The following ARB2A variants were observed in gnomAD, a reference collection of about 807,000 sequenced individuals.
ARB2A encodes the protein ARB2 cotranscriptional regulator A.
At chr5:94,014,575 T>G in the ARB2A span, among the ~76,000 whole-genome samples, 1 of 151,904 alleles carries the variant, frequency 6.6e-6, no homozygotes, top group East Asian at 1.9e-4. Context: ...CCTAATGAGA[T>G]AGTAATGTAT....
the ARB2A span, among the ~76,000 whole-genome samples, chr5:93,720,323 A>T: frequency 6.6e-6 from 1 of 152,344 alleles, no homozygotes; most frequent in African/African-American, 2.4e-5. Flanking sequence ...TTCTTAAAAC[A>T]ATTCAATCAT....
the ARB2A span, chr5:93,621,160 T>G: frequency 2.4e-5 from 38 of 1,555,524 alleles, no homozygotes; most frequent in Non-Finnish European, 3.2e-5. Flanking sequence ...GGTTACCAGG[T>G]GGCCACGCGG....
the ARB2A span, among the ~76,000 whole-genome samples, chr5:93,981,399 T>C: frequency 6.6e-6 from 1 of 152,164 alleles, no homozygotes; most frequent in East Asian, 1.9e-4. Flanking sequence ...TCATTTCCTC[T>C]GCTTGATGTA....
At chr5:93,784,196 A>C in the ARB2A span, 1 of 510,480 alleles carries the variant, frequency 2.0e-6, no homozygotes, top group East Asian at 3.3e-5. Flanking sequence ...GGGAGCTTTC[A>C]AAAATATTAG....
the ARB2A span, among the ~76,000 whole-genome samples, chr5:94,054,579 C>T: frequency 6.6e-6 from 1 of 152,102 alleles, no homozygotes; most frequent in Admixed American, 6.6e-5. Flanking sequence ...GCCTTCATTA[C>T]CTGGTTAAGG....
chr5:94,053,119 C>A, the ARB2A span: 1 of 1,197,420 alleles, frequency 8.4e-7, no homozygotes, highest in African/African-American at 1.6e-5. Context: ...ATAGATAACC[C>A]ACTTACTTTC....
chr5:93,976,335 G>A, the ARB2A span, among the ~76,000 whole-genome samples: 3 of 152,080 alleles, frequency 2.0e-5, no homozygotes, highest in Non-Finnish European at 4.4e-5. Flanking sequence ...AAAGTTAGAA[G>A]TATTCCCCCT....
the ARB2A span, among the ~76,000 whole-genome samples, chr5:93,717,725 A>C: frequency 2.0e-5 from 3 of 152,110 alleles, no homozygotes; most frequent in African/African-American, 7.2e-5. Flanking sequence ...TTAATATGTC[A>C]TTTATAAGAC....
the ARB2A span, among the ~76,000 whole-genome samples, chr5:94,023,139 C>T: frequency 6.6e-6 from 1 of 152,108 alleles, no homozygotes; most frequent in Non-Finnish European, 1.5e-5. Context: ...ATGAATTCTG[C>T]TTTCACCCAA....
the ARB2A span, chr5:93,805,009 G>GA: frequency 1.4e-5 from 14 of 977,466 alleles, no homozygotes; most frequent in Non-Finnish European, 1.6e-5. Context: ...TAGTCAAACA[G>GA]AAAAAAATAC....
chr5:93,730,258 G>A, the ARB2A span, among the ~76,000 whole-genome samples: 1 of 152,094 alleles, frequency 6.6e-6, no homozygotes, highest in South Asian at 2.1e-4. Flanking sequence ...CTACTTTAAT[G>A]ATGTGACACA....
chr5:93,934,024 A>G, the ARB2A span, among the ~76,000 whole-genome samples: 1 of 151,992 alleles, frequency 6.6e-6, no homozygotes, highest in African/African-American at 2.4e-5. Flanking sequence ...AAAAAAAGGA[A>G]GATAGAGGGC....
At chr5:94,081,583 C>T in the ARB2A span, among the ~76,000 whole-genome samples, 1 of 151,958 alleles carries the variant, frequency 6.6e-6, no homozygotes, top group East Asian at 1.9e-4. Flanking sequence ...CAAAATGAAG[C>T]CAATTACCAA....
the ARB2A span, among the ~76,000 whole-genome samples, chr5:93,908,412 G>T: frequency 1.3e-5 from 2 of 150,664 alleles, no homozygotes; most frequent in African/African-American, 4.8e-5. Flanking sequence ...AAACAGTGAA[G>T]TCTCATACAA....
the ARB2A span, among the ~76,000 whole-genome samples, chr5:94,045,189 G>A: frequency 6.6e-6 from 1 of 151,016 alleles, no homozygotes; most frequent in Non-Finnish European, 1.5e-5. Context: ...AAGGGGAGGT[G>A]TGAATAATCC....
chr5:93,666,098 C>G, the ARB2A span, among the ~76,000 whole-genome samples: 1 of 152,200 alleles, frequency 6.6e-6, no homozygotes, highest in Admixed American at 6.5e-5. Context: ...CTGACAGTAA[C>G]AATGAGTCTT....
the ARB2A span, among the ~76,000 whole-genome samples, chr5:93,778,964 C>T: frequency 6.6e-6 from 1 of 152,100 alleles, no homozygotes; most frequent in East Asian, 1.9e-4. Flanking sequence ...ATGTTTAAGG[C>T]TTTGATCTCT....
the ARB2A span, among the ~76,000 whole-genome samples, chr5:93,659,396 T>C: frequency 6.6e-6 from 1 of 152,110 alleles, no homozygotes; most frequent in African/African-American, 2.4e-5. Flanking sequence ...CTGAGCCACT[T>C]AGACATCATG....
the ARB2A span, among the ~76,000 whole-genome samples, chr5:93,914,954 G>A: frequency 2.0e-5 from 3 of 151,864 alleles, no homozygotes; most frequent in Non-Finnish European, 2.9e-5. Flanking sequence ...TGAATGGAAC[G>A]AAATACTAGA....
Sources: allele counts gnomAD v4.1 joint callset (sites outside exome capture counted in the v4.1 genomes callset), GRCh38; gene constraint gnomAD v4.1.1; transcripts MANE v1.5; gene names NCBI Gene and HGNC (gene_info 2026-07-23, HGNC 2026-07-21).